Variants in REDIC1 observed in about 807,000 individuals in gnomAD.
REDIC1 encodes the protein regulator of DNA class I crossover intermediates 1, also known as HEI10 Interacting Protein 1.
chr12:39,684,885 A>G, the REDIC1 span: 2 of 1,612,150 alleles, frequency 1.2e-6, no homozygotes, highest in Non-Finnish European at 1.7e-6. Context: ...TACCTTCGGA[A>G]GAATTGCACT....
the REDIC1 span, among the ~76,000 whole-genome samples, chr12:39,810,800 C>A: frequency 6.6e-6 from 1 of 152,024 alleles, no homozygotes; most frequent in East Asian, 1.9e-4. Context: ...GTTAAATCAA[C>A]CATGAATTCC....
At chr12:39,824,744 AC>A in the REDIC1 span, among the ~76,000 whole-genome samples, 1 of 152,116 alleles carries the variant, frequency 6.6e-6, no homozygotes, top group South Asian at 2.1e-4. Flanking sequence ...ATAGTATGCT[AC>A]ATCCAGGGGA....
chr12:39,720,939 A>G, the REDIC1 span: 1 of 1,613,710 alleles, frequency 6.2e-7, no homozygotes, highest in South Asian at 1.1e-5. Flanking sequence ...AAATTCACAA[A>G]CAGAATGAGA....
chr12:39,643,790 A>G, the REDIC1 span: 1 of 1,541,522 alleles, frequency 6.5e-7, no homozygotes, highest in Non-Finnish European at 8.9e-7. Flanking sequence ...AATATTTTGA[A>G]AAACACAGGT....
chr12:39,657,416 A>G, the REDIC1 span, among the ~76,000 whole-genome samples: 2 of 152,218 alleles, frequency 1.3e-5, no homozygotes, highest in Non-Finnish European at 2.9e-5. Context: ...CTAATGACAC[A>G]TTTATCAAAA....
chr12:39,823,690 C>A, the REDIC1 span, among the ~76,000 whole-genome samples: 1 of 152,136 alleles, frequency 6.6e-6, no homozygotes, highest in East Asian at 1.9e-4. Context: ...CTCAAGTGAT[C>A]CTCCTGCTTT....
At chr12:39,894,269 G>A in the REDIC1 span, among the ~76,000 whole-genome samples, 2 of 152,070 alleles carry the variant, frequency 1.3e-5, no homozygotes, top group Non-Finnish European at 2.9e-5. Flanking sequence ...AGTTTTATTT[G>A]GCTTTATGTT....
At chr12:39,885,102 G>T in the REDIC1 span, among the ~76,000 whole-genome samples, 5 of 152,186 alleles carry the variant, frequency 3.3e-5, no homozygotes, top group Admixed American at 3.3e-4. Flanking sequence ...TTTCAGGCAG[G>T]GGGCTGATGA....
chr12:39,794,803 GTTAAA>G, the REDIC1 span, among the ~76,000 whole-genome samples: 1 of 152,128 alleles, frequency 6.6e-6, no homozygotes, highest in Non-Finnish European at 1.5e-5. Context: ...ATTAAACTCT[GTTAAA>G]TTTAATTTGT....
At chr12:39,701,915 G>C in the REDIC1 span, among the ~76,000 whole-genome samples, 2 of 152,064 alleles carry the variant, frequency 1.3e-5, no homozygotes, top group Admixed American at 1.3e-4. Flanking sequence ...CAACATACCA[G>C]AATCTCTGGG....
chr12:39,715,514 C>G, the REDIC1 span, among the ~76,000 whole-genome samples: 4 of 151,820 alleles, frequency 2.6e-5, no homozygotes, highest in African/African-American at 7.3e-5. Context: ...AAGCAATCTA[C>G]GAATTCAATG....
At chr12:39,652,591 T>C in the REDIC1 span, among the ~76,000 whole-genome samples, 2 of 152,146 alleles carry the variant, frequency 1.3e-5, no homozygotes, top group Non-Finnish European at 2.9e-5. Flanking sequence ...AAGGTTTAAT[T>C]TGATGAAGTC....
chr12:39,751,036 G>T, the REDIC1 span, among the ~76,000 whole-genome samples: 312 of 152,140 alleles, frequency 2.1e-3, 2 homozygotes, highest in African/African-American at 6.8e-3. Context: ...CAAAAGCAAT[G>T]GCAACAAAAG....
At chr12:39,790,383 A>G in the REDIC1 span, among the ~76,000 whole-genome samples, 1 of 86,268 alleles carries the variant, frequency 1.2e-5, no homozygotes, top group Non-Finnish European at 2.2e-5. Context: ...CCCCCACCCC[A>G]CCACAGTCCC....
chr12:39,801,861 G>C, the REDIC1 span, among the ~76,000 whole-genome samples: 2 of 152,126 alleles, frequency 1.3e-5, no homozygotes, highest in Admixed American at 1.3e-4. Flanking sequence ...AGACTAATTA[G>C]GAAAGCAGAC....
At chr12:39,668,370 T>C in the REDIC1 span, among the ~76,000 whole-genome samples, 2 of 152,206 alleles carry the variant, frequency 1.3e-5, no homozygotes, top group Non-Finnish European at 2.9e-5. Flanking sequence ...AAAATTCTTT[T>C]CTTTAAGAAT....
At chr12:39,633,451 C>T in the REDIC1 span, among the ~76,000 whole-genome samples, 3 of 152,096 alleles carry the variant, frequency 2.0e-5, no homozygotes, top group African/African-American at 7.2e-5. Flanking sequence ...TTCTGAAGGG[C>T]CTGCCTGAGG....
At chr12:39,895,779 T>C in the REDIC1 span, among the ~76,000 whole-genome samples, 15 of 91,650 alleles carry the variant, frequency 1.6e-4, no homozygotes, top group Non-Finnish European at 1.4e-4. Context: ...TGTATATGCG[T>C]GTATACGTAC....
At chr12:39,633,881 C>A in the REDIC1 span, among the ~76,000 whole-genome samples, 3 of 152,250 alleles carry the variant, frequency 2.0e-5, no homozygotes, top group African/African-American at 7.2e-5. Flanking sequence ...TTCTTGTCAG[C>A]AATTACATTT....
Sources: gnomAD v4.1 joint callset for allele counts (sites outside exome capture counted in the v4.1 genomes callset) on GRCh38, gnomAD v4.1.1 for gene constraint, MANE v1.5 for transcripts, NCBI Gene and HGNC (gene_info 2026-07-23, HGNC 2026-07-21) for gene names.